Variants in ANKRD11 observed in about 807,000 individuals in gnomAD.
ANKRD11 encodes ankyrin repeat domain 11.
ANKRD11 carries 17 observed loss-of-function variants against 195.7 expected under a neutral mutation model. That is an observed-to-expected ratio of 0.09 (90% CI 0.06 to 0.13). The LOEUF is 0.13. ANKRD11 is among the 10% of genes least tolerant of loss of function. The pLI, the probability that ANKRD11 is intolerant of heterozygous loss-of-function variation, is 1.00. For synonymous variants in ANKRD11, 1,953 were observed against 1,528.1 expected (o/e 1.28, Z -6.49); for missense variants, 3,735 against 3,566.1 (o/e 1.05, Z -1.21).
At chr16:89,320,900 A>G (rs1453742321) in intron 2 of ANKRD11, among the ~76,000 whole-genome samples, 1 of 152,236 alleles carries the variant, frequency 6.6e-6, no homozygotes, top group Non-Finnish European at 1.5e-5. Flanking sequence ...GGCTCAAAAG[A>G]CAATCCTTCT....
At chr16:89,481,252 G>T (rs1013407270) in intron 1 of ANKRD11, among the ~76,000 whole-genome samples, 2 of 152,084 alleles carry the variant, frequency 1.3e-5, no homozygotes, top group Non-Finnish European at 2.9e-5. Flanking sequence ...CCTATTTCAA[G>T]TTTCTCCAGG....
chr16:89,482,701 A>C (rs2057482332), intron 1 of ANKRD11, among the ~76,000 whole-genome samples: 1 of 152,114 alleles, frequency 6.6e-6, no homozygotes, highest in Non-Finnish European at 1.5e-5. Flanking sequence ...CTGAGGCGGG[A>C]GGATTGATTG....
intron 2 of ANKRD11, among the ~76,000 whole-genome samples, chr16:89,352,555 C>A (rs1368264319): frequency 1.3e-5 from 2 of 152,192 alleles, no homozygotes. Context: ...AAGAGTGAGG[C>A]CCCTGTCAGG....
chr16:89,386,476 T>C (rs926330444), intron 2 of ANKRD11, among the ~76,000 whole-genome samples: 2 of 151,820 alleles, frequency 1.3e-5, no homozygotes, highest in African/African-American at 4.8e-5. Context: ...CCAGGGACAG[T>C]GGAGGATAGA....
chr16:89,379,096 G>C (rs550816654), intron 2 of ANKRD11, among the ~76,000 whole-genome samples: 1 of 152,194 alleles, frequency 6.6e-6, no homozygotes, highest in Non-Finnish European at 1.5e-5. Context: ...TCGGCAGTGC[G>C]GACCAGCCCC....
At chr16:89,355,801 C>T (rs967834137) in intron 2 of ANKRD11, among the ~76,000 whole-genome samples, 1 of 152,190 alleles carries the variant, frequency 6.6e-6, no homozygotes, top group Non-Finnish European at 1.5e-5. Flanking sequence ...GGCCCTGCCA[C>T]GGCGGTTCAC....
chr16:89,328,402 C>T (rs3114895), intron 2 of ANKRD11, among the ~76,000 whole-genome samples: 93,750 of 152,112 alleles, frequency 0.62, 29,074 homozygotes, highest in Middle Eastern at 0.71. Context: ...CGAATGTTCA[C>T]AGAACTTTCA....
Position 89,338,726 on chromosome 16 carries a change from C to CAAAAA in ANKRD11, c.-59-21653_-59-21649dup, listed in dbSNP as rs34799616. On this transcript the variant is annotated intron_variant, in intron 2 of 12. Transcript: ENST00000301030. ...GGCAGCAAAGAGCAACACTCAGTCT[C>CAAAAA]AAAAAAAAAAAAAAAAAAAAAAAAG... Among the ~76,000 whole-genome samples, 56 of 43,746 alleles carry CAAAAA rather than the reference C, an allele frequency of 1.3e-3. 1 individual carries two copies. Among genetic ancestry groups the CAAAAA allele is most frequent in the East Asian group, 0.011 (12 of 1,084 alleles). The allele number at this position is 43,746 out of a possible 152,430, so 28.7% of individuals were successfully genotyped here. A position where few individuals can be genotyped will look rare whatever the true frequency, so the allele number is the denominator to read the frequency against.
intron 1 of ANKRD11, among the ~76,000 whole-genome samples, chr16:89,489,886 C>A (rs1163791226): frequency 6.9e-6 from 1 of 145,618 alleles, no homozygotes; most frequent in African/African-American, 2.5e-5. Flanking sequence ...CCGCCGCGGG[C>A]CCCCGGCCAC....
At chr16:89,381,516 G>C (rs1001474319) in intron 2 of ANKRD11, among the ~76,000 whole-genome samples, 1 of 151,934 alleles carries the variant, frequency 6.6e-6, no homozygotes, top group Non-Finnish European at 1.5e-5. Flanking sequence ...CAAAATGAGG[G>C]TAAGCATTCT....
At chr16:89,325,475 A>T (rs1597650200) in intron 2 of ANKRD11, among the ~76,000 whole-genome samples, 2 of 149,486 alleles carry the variant, frequency 1.3e-5, no homozygotes, top group South Asian at 2.1e-4. Context: ...TCTCTCACAC[A>T]CACACACACA....
chr16:89,458,117 T>C (rs1253895264), intron 1 of ANKRD11, among the ~76,000 whole-genome samples: 1 of 152,146 alleles, frequency 6.6e-6, no homozygotes, highest in Non-Finnish European at 1.5e-5. Context: ...AAAAAAAAGC[T>C]TTCTGAAACG....
intron 1 of ANKRD11, among the ~76,000 whole-genome samples, chr16:89,423,430 A>G (rs930032960): frequency 7.9e-5 from 12 of 152,242 alleles, no homozygotes; most frequent in Admixed American, 5.9e-4. Flanking sequence ...CCCGCAGTGC[A>G]TTCCTTTCAT....
chr16:89,372,608 A>G (rs1284446885), intron 2 of ANKRD11, among the ~76,000 whole-genome samples: 1 of 152,222 alleles, frequency 6.6e-6, no homozygotes, highest in Non-Finnish European at 1.5e-5. Context: ...CTAAAAATTA[A>G]AATACTGAAA....
At chr16:89,334,173 A>AAAAAAAAC (rs2038224041) in intron 2 of ANKRD11, among the ~76,000 whole-genome samples, 2 of 148,826 alleles carry the variant, frequency 1.3e-5, no homozygotes, top group African/African-American at 5.0e-5. Flanking sequence ...AAAAAAAAAA[A>AAAAAAAAC]CAGAGAGAGA....
rs541447217 is a variant in ANKRD11, at chr16:89,280,206, G to A, written c.6336C>T (p.Leu2112=). The part of the protein sequence containing the change: ...FLDGSRGLSH[L]GQVEPVPWAD... ...CCCAGGGCACCGGCTCCACCTGGCC[G>A]AGGTGAGACAGGCCGCGGCTGCCGT... Residue 2112 remains leucine, a synonymous_variant, in exon 9 of 13, where the codon CTC becomes CTT. Transcript: ENST00000301030. The A allele has an allele frequency of 1.8e-4, 288 of 1,608,386 alleles. 1 individual carries two copies. In the South Asian group the frequency reaches 2.7e-3, roughly 15 times the overall value.
chr16:89,285,766 A>G lies in ANKRD11; in HGVS notation c.893-117T>C. On this transcript the variant is annotated intron_variant, in intron 8 of 12. Coordinates refer to ENST00000301030, the MANE Select transcript of ANKRD11 (RefSeq NM_013275.6). The surrounding 1 kb of genome is among the most constrained non-coding windows in gnomAD (Gnocchi z 5.6). The stretch of plus-strand genomic sequence containing the variant: ...GGGAAGGTTCCCACCCTGCCTCTGC[A>G]GAGACACTTTGCTCGACTCATGGAA... 1 of 1,231,384 alleles carries G rather than the reference A, an allele frequency of 8.1e-7. No homozygotes were observed. The highest frequency in any genetic ancestry group is 1.2e-6 in the Non-Finnish European group (1 of 849,880). The allele number at this position is 1,231,384 out of a possible 1,614,324, so 76.3% of individuals were successfully genotyped here. A position where few individuals can be genotyped will look rare whatever the true frequency, so the allele number is the denominator to read the frequency against.
chr16:89,306,984 T>A (rs1293362800), intron 3 of ANKRD11, among the ~76,000 whole-genome samples: 1 of 150,810 alleles, frequency 6.6e-6, no homozygotes, highest in South Asian at 2.1e-4. Flanking sequence ...AGGGGGACGG[T>A]GCGACACACA....
At chr16:89,451,575 A>C (rs1286324513) in intron 1 of ANKRD11, among the ~76,000 whole-genome samples, 1 of 151,830 alleles carries the variant, frequency 6.6e-6, no homozygotes, top group Admixed American at 6.6e-5. Context: ...TGCCATCAAG[A>C]CTGGTTAATT....
Sources: gnomAD v4.1 joint callset for allele counts (sites outside exome capture counted in the v4.1 genomes callset) on GRCh38, gnomAD v4.1.1 for gene constraint, Gnocchi (gnomAD v3.1) non-coding constraint, MANE v1.5 for transcripts, NCBI Gene and HGNC (gene_info 2026-07-23, HGNC 2026-07-21) for gene names.